The following ACTR1B variants were observed in gnomAD, a reference collection of about 807,000 sequenced individuals.
ACTR1B encodes actin related protein 1B.
Under a neutral mutation model 49.4 loss-of-function variants are expected in ACTR1B, and 34 were observed. The observed-to-expected ratio is 0.69, with a 90% CI of 0.52 to 0.92. ACTR1B has a LOEUF of 0.92. Ranked by LOEUF, ACTR1B falls within the 40% of genes least tolerant of loss-of-function variation. ACTR1B has a pLI of 0.00. For synonymous variants in ACTR1B, 207 were observed against 207.8 expected (o/e 1.00, Z 0.03); for missense variants, 471 against 522.4 (o/e 0.90, Z 0.96).
At chr2:97,661,853 A>C in intron 2 of ACTR1B, 29 bp downstream of exon 2, 2 of 1,567,390 alleles carry the variant, frequency 1.3e-6, no homozygotes, top group African/African-American at 1.3e-5. Context: ...AAACAAAAGG[A>C]CTAAGGCTGC....
intron 9 of ACTR1B, 24 bp downstream of exon 9, chr2:97,657,424 C>T (rs1457388797): frequency 6.2e-7 from 1 of 1,613,372 alleles, no homozygotes; most frequent in African/African-American, 1.3e-5. Context: ...CCTAGTGCCC[C>T]AGGGGGAGTT....
At chr2:97,662,799 G>A (rs1573186449) in intron 1 of ACTR1B, among the ~76,000 whole-genome samples, 1 of 152,140 alleles carries the variant, frequency 6.6e-6, no homozygotes, top group African/African-American at 2.4e-5. Flanking sequence ...TAGCCTATAC[G>A]AGTTATTTGC....
chr2:97,663,125 T>C (rs1436607299), intron 1 of ACTR1B, among the ~76,000 whole-genome samples: 3 of 152,162 alleles, frequency 2.0e-5, no homozygotes, highest in African/African-American at 7.2e-5. Context: ...GCCAGAAATC[T>C]TCCTAAGGCA....
rs770786576 is a variant in ACTR1B at position 97,658,926 on chromosome 2, G to A, written c.393C>T (p.Thr131=). 6 of 1,614,012 alleles carry A rather than the reference G, an allele frequency of 3.7e-6. No individual in the cohort carries two copies. Among genetic ancestry groups the A allele is most frequent in the Non-Finnish European group, 5.1e-6 (6 of 1,180,014 alleles). ...REKAAEVFFE[T]FNVPALFISM... is the part of the protein sequence containing the mutation. ...AGATGAACAGGGCCGGCACGTTGAA[G>A]GTCTCAAAGAACACCTCTGCCGCCT... Residue 131 remains threonine, a synonymous_variant, in exon 5 of 11, where the codon ACC becomes ACT. Transcript: ENST00000289228. The surrounding 1 kb of genome is among the most constrained non-coding windows in gnomAD (Gnocchi z 5.9).
chr2:97,658,639 C>T lies in ACTR1B; in HGVS notation c.445G>A (p.Ala149Thr), dbSNP rs138180536. Reference sequence around the variant, plus strand: ...ACCACTCCTGTCGTGCGTCCTGTTGCGTACCTGTCACCAGGTCAGCATCCC... The same window carrying T: ...ACCACTCCTGTCGTGCGTCCTGTTGTGTACCTGTCACCAGGTCAGCATCCC... ...ISMQAVLSLY[A>T]TGRTTGVVLD... Residue 149 changes from alanine (A) to threonine (T), a missense_variant, in exon 6 of 11, where the codon GCA becomes ACA. Physicochemically the swap from Ala to Thr is moderately conservative, Grantham distance 58. Coordinates refer to ENST00000289228, the MANE Select transcript of ACTR1B (RefSeq NM_005735.4). This position sits in a 1 kb window ranked among gnomAD's most constrained non-coding sequence, Gnocchi z 5.9. The T allele has an allele frequency of 1.4e-4, 233 of 1,613,620 alleles. No individual in the cohort carries two copies. The highest frequency in any genetic ancestry group is 1.9e-4 in the Non-Finnish European group (222 of 1,179,996).
rs1186245902 is a variant in ACTR1B at position 97,659,510 on chromosome 2, G to A, written c.190-33C>T. 6.2e-7 allele frequency: 1 copy of A among 1,610,390 alleles called. No homozygotes were observed. The highest frequency in any genetic ancestry group is 8.5e-7 in the Non-Finnish European group (1 of 1,179,644). ...GGTGGGAAGGGAGGTGTGGCACCCG[G>A]CCCTTGCTCAGCGGCTGCTTTCCGC... On this transcript the variant is annotated intron_variant, in intron 3 of 10. Coordinates refer to ENST00000289228, the MANE Select transcript of ACTR1B (RefSeq NM_005735.4). The surrounding 1 kb of genome is among the most constrained non-coding windows in gnomAD (Gnocchi z 4.0).
Position 97,657,965 on chromosome 2 carries a change from T to G in ACTR1B, c.903A>C (p.Ser301=), listed in dbSNP as rs2104497821. Residue 301 remains serine, a synonymous_variant, in exon 8 of 11, where the codon TCA becomes TCC. Coordinates refer to ENST00000289228, the MANE Select transcript of ACTR1B (RefSeq NM_005735.4). ...TACCTTTGAAAAGCGTTGAGCCACC[T>G]GAGAGCACGATGTTGGCGAACAGCG... ...RRTLFANIVL[S]GGSTLFKGFG... The G allele has an allele frequency of 6.2e-7, 1 of 1,614,134 alleles. No homozygotes were observed. The highest frequency in any genetic ancestry group is 2.2e-5 in the East Asian group (1 of 44,886).
Position 97,659,508 on chromosome 2 carries a change from C to T in ACTR1B, c.190-31G>A, listed in dbSNP as rs759401032. On this transcript the variant is annotated intron_variant, in intron 3 of 10. Transcript: ENST00000289228. The surrounding 1 kb of genome is among the most constrained non-coding windows in gnomAD (Gnocchi z 4.0). ...GGGGTGGGAAGGGAGGTGTGGCACCCGGCCCTTGCTCAGCGGCTGCTTTCC... is the reference window on the plus strand; with the variant it reads ...GGGGTGGGAAGGGAGGTGTGGCACCTGGCCCTTGCTCAGCGGCTGCTTTCC... 1.4e-5 allele frequency: 23 copies of T among 1,610,428 alleles called. No homozygotes were observed. The highest frequency in any genetic ancestry group is 6.6e-5 in the South Asian group (6 of 91,044).
At chr2:97,660,445 C>A in intron 3 of ACTR1B, 126 bp downstream of exon 3, 4 of 920,266 alleles carry the variant, frequency 4.3e-6, no homozygotes, top group Non-Finnish European at 6.9e-6. Flanking sequence ...TGCCCCTGCA[C>A]AGCACTTCCC....
intron 2 of ACTR1B, 120 bp from the exon 3 acceptor site, chr2:97,660,766 G>GCCCCCCA: frequency 1.0e-6 from 1 of 957,498 alleles, no homozygotes; most frequent in Non-Finnish European, 1.7e-6. Flanking sequence ...ACCAGGATGT[G>GCCCCCCA]GCTGGGGGGC....
At chr2:97,660,989 G>A (rs971921516) in intron 2 of ACTR1B, among the ~76,000 whole-genome samples, 13 of 152,214 alleles carry the variant, frequency 8.5e-5, no homozygotes, top group Admixed American at 1.3e-4. Flanking sequence ...CAGGGCTGCC[G>A]TCACCATCCA....
intron 8 of ACTR1B, among the ~76,000 whole-genome samples, chr2:97,657,740 A>G (rs1382809720): frequency 6.6e-6 from 1 of 152,258 alleles, no homozygotes; most frequent in African/African-American, 2.4e-5. Flanking sequence ...CGACTCTCAC[A>G]ATACACTTTA....
Position 97,663,843 on chromosome 2 carries a change from G to A in ACTR1B, c.48C>T (p.Asn16=). 1.4e-6 allele frequency: 2 copies of A among 1,414,390 alleles called. No individual in the cohort carries two copies. The highest frequency in any genetic ancestry group is 2.3e-5 in the Admixed American group (1 of 42,994). The allele number at this position is 1,414,390 out of a possible 1,614,324, so 87.6% of individuals were successfully genotyped here. ...IIANQPVVID[N]GSGVIKAGFA... ...CCTCCCCCTGGCTGCCGGGCCTCACGTTGTCGATGACCACAGGCTGGTTGG... is the reference window on the plus strand; with the variant it reads ...CCTCCCCCTGGCTGCCGGGCCTCACATTGTCGATGACCACAGGCTGGTTGG... Residue 16 remains asparagine, a splice_region_variant and synonymous_variant, in exon 1 of 11, where the codon AAC becomes AAT. Transcript: ENST00000289228.
rs755905355 is a variant in ACTR1B, at chr2:97,659,432, C to T, written c.235G>A (p.Val79Met). 10 of 1,613,924 alleles carry T rather than the reference C, an allele frequency of 6.2e-6. No individual in the cohort carries two copies. The highest frequency in any genetic ancestry group is 1.3e-5 in the African/African-American group (1 of 74,902). Residue 79 changes from valine to methionine, a missense_variant, in exon 4 of 11, where the codon GTG becomes ATG. Coordinates refer to ENST00000289228, the MANE Select transcript of ACTR1B (RefSeq NM_005735.4). This position sits in a 1 kb window ranked among gnomAD's most constrained non-coding sequence, Gnocchi z 4.0. ...LTIRYPMEHG[V>M]VRDWNDMERI... ...TCCATGTCGTTCCAGTCTCGCACCACGCCGTGCTCCATGGGGTAGCGGATG... is the reference window on the plus strand; with the variant it reads ...TCCATGTCGTTCCAGTCTCGCACCATGCCGTGCTCCATGGGGTAGCGGATG...
intron 1 of ACTR1B, among the ~76,000 whole-genome samples, chr2:97,662,974 T>G (rs535169417): frequency 6.6e-6 from 1 of 152,192 alleles, no homozygotes; most frequent in East Asian, 1.9e-4. Flanking sequence ...CGGGGTCATG[T>G]GGGAGGGAGA....
chr2:97,657,919 C>G (rs201642763), intron 8 of ACTR1B, 24 bp downstream of exon 8: 1 of 1,610,938 alleles, frequency 6.2e-7, no homozygotes, highest in Non-Finnish European at 8.5e-7. Flanking sequence ...CGTCTCACCA[C>G]CACCAACTCT....
intron 1 of ACTR1B, among the ~76,000 whole-genome samples, chr2:97,663,605 C>A (rs1308913833): frequency 6.6e-6 from 1 of 151,936 alleles, no homozygotes; most frequent in African/African-American, 2.4e-5. Flanking sequence ...CTTCCCCGCC[C>A]GACTCGGGGA....
At position 97,663,857 on chromosome 2, in the gene ACTR1B, C is replaced by A; in HGVS notation, c.34G>T (p.Val12Leu). The change falls in exon 1 of 11, where the codon GTG (valine) becomes TTG (leucine). Residue 12 changes from valine to leucine, a missense_variant. Physicochemically the swap from Val to Leu is conservative, Grantham distance 32. Transcript: ENST00000289228. ...CCGGGCCTCACGTTGTCGATGACCA[C>A]AGGCTGGTTGGCGATGATGTCGTAG... ...ESYDIIANQPVVIDNGSGVIK... is the reference protein window; with the variant it reads ...ESYDIIANQPLVIDNGSGVIK... 1 of 1,431,378 alleles carries A rather than the reference C, an allele frequency of 7.0e-7. No homozygotes were observed. The highest frequency in any genetic ancestry group is 2.3e-5 in the Admixed American group (1 of 44,438). The allele number at this position is 1,431,378 out of a possible 1,614,324, so 88.7% of individuals were successfully genotyped here.
In ACTR1B at chr2:97,658,394, A is replaced by C. The variant is rs1448369256; in HGVS notation, c.657+33T>G. 6.2e-7 allele frequency: 1 copy of C among 1,613,530 alleles called. No individual in the cohort carries two copies. Among genetic ancestry groups the C allele is most frequent in the Admixed American group, 1.7e-5 (1 of 59,960 alleles). ...CTTGGTGCCACCCTTTCCTCACCCC[A>C]GGTCGTGTCCACACCCTCTCGCCCC... On this transcript the variant is annotated intron_variant, in intron 6 of 10. Transcript: ENST00000289228. This position sits in a 1 kb window ranked among gnomAD's most constrained non-coding sequence, Gnocchi z 5.9.
Sources: allele counts gnomAD v4.1 joint callset (sites outside exome capture counted in the v4.1 genomes callset), GRCh38; gene constraint gnomAD v4.1.1; non-coding constraint Gnocchi (gnomAD v3.1); transcripts MANE v1.5; gene names NCBI Gene and HGNC (gene_info 2026-07-23, HGNC 2026-07-21).